CNTNAP2: variants seen among roughly 807,000 people sequenced by gnomAD.
CNTNAP2 encodes the protein contactin associated protein 2.
A neutral mutation model predicts 155.2 loss-of-function variants in CNTNAP2; 98 were observed. The observed-to-expected ratio is 0.63, with a 90% CI of 0.54 to 0.75. CNTNAP2 has a LOEUF of 0.75. Among genes scored for constraint, CNTNAP2 ranks in the 30% least tolerant of loss-of-function variants. CNTNAP2 has a pLI of 0.00. For missense variants in CNTNAP2, 1,727 were observed against 1,688.1 expected (o/e 1.02, Z -0.40); for synonymous variants, 651 against 631.2 (o/e 1.03, Z -0.47).
At chr7:148,102,791 G>A (rs1804129588) in intron 15 of CNTNAP2, among the ~76,000 whole-genome samples, 1 of 152,142 alleles carries the variant, frequency 6.6e-6, no homozygotes, top group Non-Finnish European at 1.5e-5. Context: ...TAGTGCTGTG[G>A]TAACCATTGT....
intron 1 of CNTNAP2, among the ~76,000 whole-genome samples, chr7:146,567,662 C>T (rs1798377837): frequency 6.6e-6 from 1 of 152,266 alleles, no homozygotes; most frequent in Non-Finnish European, 1.5e-5. Flanking sequence ...CTTTTAAAAA[C>T]AGTCTTATTA....
intron 1 of CNTNAP2, among the ~76,000 whole-genome samples, chr7:146,496,268 A>G (rs1381966400): frequency 6.6e-6 from 1 of 152,186 alleles, no homozygotes; most frequent in Non-Finnish European, 1.5e-5. Context: ...ACGCGTGGAC[A>G]TGTGCTGATG....
In CNTNAP2 at chr7:148,024,173, A is replaced by AAAAAAAAAAAAAAAAAAAAAC. The variant is rs796940228; in HGVS notation, c.2383+46190_2383+46191insAAAAAAAAAAAAAACAAAAAA. On this transcript the variant is annotated intron_variant, in intron 15 of 23. Transcript: ENST00000361727. ...TTTAAAGTGTAAAAAAAAAAAAAAA[A>AAAAAAAAAAAAAAAAAAAAAC]AAAAAACTTTATAACATCCTGAGAA... 4.7e-5 allele frequency among the ~76,000 whole-genome samples: 7 copies of AAAAAAAAAAAAAAAAAAAAAC among 147,970 alleles called. No individual in the cohort carries two copies. The East Asian group carries it at 9.1e-4, about 19-fold the overall frequency.
At chr7:146,577,232 G>A (rs1798539329) in intron 1 of CNTNAP2, among the ~76,000 whole-genome samples, 1 of 151,986 alleles carries the variant, frequency 6.6e-6, no homozygotes, top group Admixed American at 6.6e-5. Flanking sequence ...TCTGCACAGG[G>A]GTAAAGAGGT....
chr7:148,189,683 T>C lies in CNTNAP2; in HGVS notation c.3010+17205T>C, dbSNP rs564515640. 5.3e-5 allele frequency among the ~76,000 whole-genome samples: 8 copies of C among 152,362 alleles called. No homozygotes were observed. The East Asian group carries it at 1.5e-3, about 29-fold the overall frequency. ...ACAGCCAAGACATTTCTGTTCATTG[T>C]AAATTATCTGCGGTATTCTATTATA... On this transcript the variant is annotated intron_variant, in intron 18 of 23. Coordinates refer to ENST00000361727, the MANE Select transcript of CNTNAP2 (RefSeq NM_014141.6).
At chr7:147,761,515 C>T (rs771218006) in intron 13 of CNTNAP2, among the ~76,000 whole-genome samples, 2 of 152,162 alleles carry the variant, frequency 1.3e-5, no homozygotes, top group Non-Finnish European at 2.9e-5. Context: ...CTTCAACAAT[C>T]ACCATTTTAA....
At chr7:147,288,940 A>G (rs990827254) in intron 8 of CNTNAP2, among the ~76,000 whole-genome samples, 11 of 152,164 alleles carry the variant, frequency 7.2e-5, no homozygotes, top group African/African-American at 2.7e-4. Context: ...GTCTTTATAC[A>G]TACATGACAA....
intron 12 of CNTNAP2, among the ~76,000 whole-genome samples, chr7:147,598,872 C>T (rs888962912): frequency 2.6e-5 from 4 of 152,068 alleles, no homozygotes; most frequent in African/African-American, 9.7e-5. Flanking sequence ...CTTTGCTTGG[C>T]ACTGCTCCCT....
At chr7:146,648,152 A>G (rs1449939039) in intron 1 of CNTNAP2, among the ~76,000 whole-genome samples, 1 of 152,186 alleles carries the variant, frequency 6.6e-6, no homozygotes, top group Non-Finnish European at 1.5e-5. Flanking sequence ...ATGGGTACAC[A>G]GACCACTTCA....
intron 1 of CNTNAP2, among the ~76,000 whole-genome samples, chr7:146,146,438 T>C (rs1797959130): frequency 6.6e-6 from 1 of 152,136 alleles, no homozygotes; most frequent in Non-Finnish European, 1.5e-5. Context: ...TCCTCTGACC[T>C]ATTCTATTAA....
chr7:148,288,048 C>T (rs560114948), intron 21 of CNTNAP2, among the ~76,000 whole-genome samples: 1 of 151,618 alleles, frequency 6.6e-6, no homozygotes, highest in Non-Finnish European at 1.5e-5. Flanking sequence ...CCTTGGCCCC[C>T]CAAAGTGCGG....
At chr7:146,274,141 C>T (rs60526820) in intron 1 of CNTNAP2, among the ~76,000 whole-genome samples, 3,424 of 152,198 alleles carry the variant, frequency 0.022, 141 homozygotes, top group African/African-American at 0.078. Flanking sequence ...TTTCTAAAGG[C>T]CCATTAAAAT....
At chr7:147,587,379 G>C (rs951539515) in intron 12 of CNTNAP2, among the ~76,000 whole-genome samples, 3 of 152,152 alleles carry the variant, frequency 2.0e-5, no homozygotes, top group Non-Finnish European at 2.9e-5. Flanking sequence ...CTTCCTCTGT[G>C]CAAACCTCAT....
At chr7:148,287,461 A>G (rs1401235206) in intron 21 of CNTNAP2, among the ~76,000 whole-genome samples, 1 of 152,154 alleles carries the variant, frequency 6.6e-6, no homozygotes, top group African/African-American at 2.4e-5. Context: ...CCACCGATTG[A>G]GTGATTGTTT....
intron 19 of CNTNAP2, 116 bp downstream of exon 19, chr7:148,217,640 C>A: frequency 1.8e-6 from 2 of 1,141,718 alleles, no homozygotes; most frequent in Non-Finnish European, 2.6e-6. Context: ...CTTTTTTAAG[C>A]AAGTCACATA....
intron 1 of CNTNAP2, among the ~76,000 whole-genome samples, chr7:146,549,551 G>A (rs1798083097): frequency 6.6e-6 from 1 of 152,000 alleles, no homozygotes; most frequent in Non-Finnish European, 1.5e-5. Context: ...CTGTCAGATT[G>A]TGGAATACAC....
chr7:147,166,895 T>C (rs955015053), intron 8 of CNTNAP2, among the ~76,000 whole-genome samples: 2 of 152,162 alleles, frequency 1.3e-5, no homozygotes, highest in Non-Finnish European at 2.9e-5. Context: ...ATGGCTTAGC[T>C]TGGGCTCAGA....
chr7:147,605,574 A>C (rs1053937231), intron 12 of CNTNAP2, among the ~76,000 whole-genome samples: 2 of 152,158 alleles, frequency 1.3e-5, no homozygotes, highest in African/African-American at 4.8e-5. Flanking sequence ...TCTGAGTCAC[A>C]ATCTGGGCAT....
At chr7:146,212,049 A>C (rs917701194) in intron 1 of CNTNAP2, among the ~76,000 whole-genome samples, 12 of 152,138 alleles carry the variant, frequency 7.9e-5, no homozygotes, top group African/African-American at 2.9e-4. Flanking sequence ...TCATTCAAAG[A>C]TATTAAGATT....
Sources: allele counts gnomAD v4.1 joint callset (sites outside exome capture counted in the v4.1 genomes callset), GRCh38; gene constraint gnomAD v4.1.1; transcripts MANE v1.5; gene names NCBI Gene and HGNC (gene_info 2026-07-23, HGNC 2026-07-21).